OSCP1: variants seen among roughly 807,000 people sequenced by gnomAD.
The protein encoded by OSCP1 is organic solute carrier partner 1.
OSCP1 carries 35 observed loss-of-function variants against 45.1 expected under a neutral mutation model. The observed-to-expected ratio is 0.78, with a 90% CI of 0.59 to 1.03. The LOEUF is 1.03. Ranked by LOEUF, OSCP1 falls within the 50% of genes least tolerant of loss-of-function variation. OSCP1 has a pLI of 0.00. For synonymous variants in OSCP1, 179 were observed against 180.1 expected, an observed-to-expected ratio of 0.99 and a Z score of 0.05; for missense variants, 400 against 470.7, an observed-to-expected ratio of 0.85 and a Z score of 1.39.
chr1:36,429,520 A>G (rs909416163), intron 4 of OSCP1, among the ~76,000 whole-genome samples: 1 of 142,596 alleles, frequency 7.0e-6, no homozygotes, highest in Non-Finnish European at 1.5e-5. Context: ...CACATTCAAA[A>G]TTCAGAAGCT....
At chr1:36,427,525 G>A (rs895922701) in intron 4 of OSCP1, among the ~76,000 whole-genome samples, 1 of 151,320 alleles carries the variant, frequency 6.6e-6, no homozygotes, top group Non-Finnish European at 1.5e-5. Context: ...CACCATGTTG[G>A]CCAGGATGGT....
At chr1:36,422,108 A>C in intron 7 of OSCP1, 42 bp downstream of exon 7, 4 of 1,562,890 alleles carry the variant, frequency 2.6e-6, no homozygotes, top group Non-Finnish European at 3.5e-6. Context: ...TTCCGTATCT[A>C]GAGAGAAGCT....
chr1:36,422,996 C>T, intron 5 of OSCP1, 100 bp from the exon 6 acceptor site: 1 of 910,360 alleles, frequency 1.1e-6, no homozygotes, highest in Non-Finnish European at 1.5e-6. Context: ...GGAATACATG[C>T]TCTCCTTCAA....
chr1:36,443,630 G>A (rs538869565), intron 1 of OSCP1, among the ~76,000 whole-genome samples: 43 of 152,254 alleles, frequency 2.8e-4, no homozygotes, highest in Non-Finnish European at 4.0e-4. Flanking sequence ...TCATGTTGAA[G>A]CACAATTCTT....
In OSCP1 at chr1:36,422,869, C is replaced by T; in HGVS notation, c.648G>A (p.Val216=). 2 of 1,607,990 alleles carry T rather than the reference C, an allele frequency of 1.2e-6. No homozygotes were observed. The highest frequency in any genetic ancestry group is 1.7e-6 in the Non-Finnish European group (2 of 1,176,774). ...CACCATGCTTGAATTCTATCCTCTT[C>T]ACTTCTTCACCTTTGTTGTTGAACA... The part of the protein sequence containing the change: ...IRMFNNKGEE[V]KRIEFKHGGN... The change falls in exon 6 of 10, where the codon GTG becomes GTA. Residue 216 remains valine, a synonymous_variant. Coordinates refer to ENST00000235532, the MANE Select transcript of OSCP1 (RefSeq NM_145047.5).
chr1:36,446,635 A>C (rs1364366516), intron 1 of OSCP1, among the ~76,000 whole-genome samples: 1 of 152,148 alleles, frequency 6.6e-6, no homozygotes, highest in Non-Finnish European at 1.5e-5. Context: ...ACTCCACTTT[A>C]GTTCTGTTTT....
At chr1:36,430,325 G>C (rs1017033028) in intron 4 of OSCP1, among the ~76,000 whole-genome samples, 2 of 152,170 alleles carry the variant, frequency 1.3e-5, no homozygotes, top group Non-Finnish European at 2.9e-5. Flanking sequence ...ACAGGCATGA[G>C]CCACTGTGCC....
At chr1:36,427,070 G>A (rs1470448916) in intron 4 of OSCP1, among the ~76,000 whole-genome samples, 3 of 150,450 alleles carry the variant, frequency 2.0e-5, no homozygotes, top group South Asian at 2.1e-4. Context: ...GCATGATCTC[G>A]GCTTACTGCA....
rs747443605 is a variant in OSCP1 at position 36,418,446 on chromosome 1, C to T, written c.1024-191G>A. On this transcript the variant is annotated intron_variant, in intron 9 of 9. Coordinates refer to ENST00000235532, the MANE Select transcript of OSCP1 (RefSeq NM_145047.5). ...GGGTCTATATATTTTTTTTCTTAAT[C>T]AACATGTATGTGACCAAGCATCCCT... 7.2e-4 allele frequency: 439 copies of T among 609,250 alleles called. 6 individuals carry two copies. The highest frequency in any genetic ancestry group is 1.5e-4 in the Non-Finnish European group (51 of 341,860). 37.7% of individuals were successfully genotyped at this position (609,250 alleles called of 1,614,324 possible). A position where few individuals can be genotyped will look rare whatever the true frequency, so the allele number is the denominator to read the frequency against.
At chr1:36,439,048 C>T (rs969861725) in intron 1 of OSCP1, 138 bp from the exon 2 acceptor site, 3 of 851,802 alleles carry the variant, frequency 3.5e-6, no homozygotes, top group Non-Finnish European at 5.2e-6. Flanking sequence ...GATCAGCTCC[C>T]TGAGGGGACC....
At position 36,422,340 on chromosome 1, in the gene OSCP1, G is replaced by C. The variant is rs1394087021; in HGVS notation, c.750-121C>G. ...ATTAAATAGCATCCAGAAAGGTGCT[G>C]TGGGTACAGAATGCAACTGAGTGTG... On this transcript the variant is annotated intron_variant, in intron 6 of 9. Coordinates refer to ENST00000235532, the MANE Select transcript of OSCP1 (RefSeq NM_145047.5). The C allele has an allele frequency of 1.2e-5, 11 of 926,856 alleles. No individual in the cohort carries two copies. The East Asian group carries it at 2.5e-4, about 21-fold the overall frequency. The allele number at this position is 926,856 out of a possible 1,614,324, so 57.4% of individuals were successfully genotyped here.
intron 1 of OSCP1, chr1:36,440,960 C>G (rs1464236380): frequency 6.6e-6 from 1 of 152,182 alleles, no homozygotes; most frequent in Non-Finnish European, 1.5e-5. Flanking sequence ...TTATTAGGAG[C>G]TAGGGAAATA....
At chr1:36,448,102 T>C (rs771114273) in intron 1 of OSCP1, among the ~76,000 whole-genome samples, 14 of 152,204 alleles carry the variant, frequency 9.2e-5, no homozygotes, top group Non-Finnish European at 1.6e-4. Context: ...CCTTACAACT[T>C]TGCTTTAACA....
intron 9 of OSCP1, chr1:36,418,504 A>C (rs1647409554): frequency 2.4e-5 from 13 of 546,966 alleles, no homozygotes; most frequent in Non-Finnish European, 2.0e-5. Context: ...GGTATAGTTA[A>C]GAAACAACTT....
chr1:36,424,758 G>T (rs946852179), intron 4 of OSCP1, among the ~76,000 whole-genome samples: 17 of 152,224 alleles, frequency 1.1e-4, no homozygotes, highest in African/African-American at 4.1e-4. Flanking sequence ...ATCTCATAAA[G>T]ATAGTAGCAG....
intron 8 of OSCP1, 81 bp downstream of exon 8, chr1:36,420,395 A>C: frequency 6.8e-7 from 1 of 1,459,860 alleles, no homozygotes; most frequent in Non-Finnish European, 9.3e-7. Context: ...TATAAGTGCC[A>C]CTGGTTTGTA....
chr1:36,439,504 A>G (rs1035031190), intron 1 of OSCP1, among the ~76,000 whole-genome samples: 1 of 152,160 alleles, frequency 6.6e-6, no homozygotes, highest in African/African-American at 2.4e-5. Context: ...ATCCTGTCTA[A>G]AAAAATAAAA....
chr1:36,437,304 GTAGA>G (rs984983738), intron 2 of OSCP1, among the ~76,000 whole-genome samples: 11 of 151,280 alleles, frequency 7.3e-5, no homozygotes, highest in African/African-American at 2.4e-4. Context: ...TTATTCAGAG[GTAGA>G]TATATTCTTG....
intron 7 of OSCP1, 142 bp from the exon 8 acceptor site, chr1:36,420,757 A>C: frequency 3.4e-6 from 4 of 1,172,600 alleles, no homozygotes; most frequent in Non-Finnish European, 4.7e-6. Context: ...AAAGTGTAGA[A>C]AGCAGCCTTA....
Sources: gnomAD v4.1 joint callset for allele counts (sites outside exome capture counted in the v4.1 genomes callset) on GRCh38, gnomAD v4.1.1 for gene constraint, MANE v1.5 for transcripts, NCBI Gene and HGNC (gene_info 2026-07-23, HGNC 2026-07-21) for gene names.